Variants in CCDC180 observed in about 807,000 individuals in gnomAD.
CCDC180 encodes coiled-coil domain containing 180.
Under a neutral mutation model 209.2 loss-of-function variants are expected in CCDC180, and 154 were observed. The observed-to-expected ratio is 0.74, with a 90% CI of 0.65 to 0.84. The LOEUF is 0.84. Ranked by LOEUF, CCDC180 falls within the 40% of genes least tolerant of loss-of-function variation. The probability of loss-of-function intolerance (pLI) is 0.00; values close to 1 mark genes in which losing one functional copy is unlikely to be tolerated. For synonymous variants in CCDC180, 778 were observed against 749.1 expected (o/e 1.04, Z -0.63); for missense variants, 1,874 against 1,997.3 (o/e 0.94, Z 1.18).
chr9:97,370,008 A>C lies in CCDC180; in HGVS notation c.4276A>C (p.Lys1426Gln). Residue 1426 changes from lysine to glutamine, a missense_variant, in exon 32 of 37, where the codon AAA becomes CAA. Transcript: ENST00000529487. The part of the protein sequence containing the change: ...VMENFKEHHW[K>Q]KFFTSVKEIR... The stretch of plus-strand genomic sequence containing the variant: ...GGAGAATTTCAAGGAACACCACTGG[A>C]AAAAGTTTTTCACCTCTGTGAAGGA... 6.2e-7 allele frequency: 1 copy of C among 1,614,164 alleles called. No individual in the cohort carries two copies. Among genetic ancestry groups the C allele is most frequent in the Non-Finnish European group, 8.5e-7 (1 of 1,180,026 alleles).
At chr9:97,352,545 T>G (rs896071829) in intron 22 of CCDC180, among the ~76,000 whole-genome samples, 1 of 152,212 alleles carries the variant, frequency 6.6e-6, no homozygotes, top group African/African-American at 2.4e-5. Flanking sequence ...CTTCCCTGCA[T>G]TTGCTGCTCC....
chr9:97,363,468 C>T (rs187774168), intron 28 of CCDC180: 4 of 338,070 alleles, frequency 1.2e-5, no homozygotes, highest in East Asian at 1.4e-4. Flanking sequence ...TTTATATGAT[C>T]CAGCCATGAC....
At position 97,366,458 on chromosome 9, in the gene CCDC180, A is replaced by C; in HGVS notation, c.4048-101A>C. On this transcript the variant is annotated intron_variant, in intron 30 of 36. Coordinates refer to ENST00000529487, the MANE Select transcript of CCDC180 (RefSeq NM_020893.6). The surrounding 1 kb of genome is among the most constrained non-coding windows in gnomAD (Gnocchi z 4.3). Reference sequence around the variant, plus strand: ...CTTCCACAGGGGATGCCACGAGCAAAGGCTAGGGAGTGTGGAGGTGAGGGC... The same window carrying C: ...CTTCCACAGGGGATGCCACGAGCAACGGCTAGGGAGTGTGGAGGTGAGGGC... The C allele has an allele frequency of 8.2e-7, 1 of 1,216,602 alleles. No individual in the cohort carries two copies. The highest frequency in any genetic ancestry group is 1.2e-6 in the Non-Finnish European group (1 of 868,838). 75.4% of individuals were successfully genotyped at this position (1,216,602 alleles called of 1,614,324 possible).
chr9:97,340,482 A>G (rs1449328740), intron 18 of CCDC180, among the ~76,000 whole-genome samples: 1 of 152,228 alleles, frequency 6.6e-6, no homozygotes, highest in Non-Finnish European at 1.5e-5. Context: ...CTTAGATATG[A>G]TTATATACGA....
At chr9:97,314,769 G>A in intron 7 of CCDC180, 41 bp downstream of exon 7, 1 of 1,605,286 alleles carries the variant, frequency 6.2e-7, no homozygotes, top group South Asian at 1.1e-5. Context: ...ACTGTCACTT[G>A]CCGGGTTTAT....
chr9:97,375,246 G>A (rs997797724), intron 35 of CCDC180, among the ~76,000 whole-genome samples: 22 of 152,256 alleles, frequency 1.4e-4, no homozygotes, highest in African/African-American at 4.6e-4. Context: ...ACCCCAGACC[G>A]TGCACAGCAA....
chr9:97,370,950 CTTTTTTTT>C (rs67153822), intron 33 of CCDC180, 172 bp downstream of exon 33: 2 of 115,140 alleles, frequency 1.7e-5, no homozygotes, highest in Admixed American at 1.4e-4. Flanking sequence ...AACTTGTATA[CTTTTTTTT>C]TTTTTTTTTT....
chr9:97,359,667 A>G (rs1392411828), intron 25 of CCDC180, among the ~76,000 whole-genome samples: 2 of 152,138 alleles, frequency 1.3e-5, no homozygotes, highest in African/African-American at 4.8e-5. Context: ...TTGTGTCCCC[A>G]TCTTACAGAT....
intron 14 of CCDC180, 117 bp downstream of exon 14, chr9:97,325,309 A>G: frequency 3.7e-6 from 4 of 1,078,310 alleles, no homozygotes; most frequent in Non-Finnish European, 5.2e-6. Flanking sequence ...GGGGACATTG[A>G]GGCTCACGTT....
intron 18 of CCDC180, among the ~76,000 whole-genome samples, chr9:97,332,140 T>C (rs906094860): frequency 6.6e-6 from 1 of 152,224 alleles, no homozygotes; most frequent in South Asian, 2.1e-4. Context: ...ATTTATTAAA[T>C]GGGTAGTCAT....
intron 4 of CCDC180, among the ~76,000 whole-genome samples, chr9:97,312,829 C>T (rs898956955): frequency 6.6e-6 from 1 of 152,150 alleles, no homozygotes; most frequent in South Asian, 2.1e-4. Context: ...TTCTACAACC[C>T]CCCATGACTG....
At chr9:97,375,917 C>G (rs1587841477) in intron 36 of CCDC180, 1 of 312,716 alleles carries the variant, frequency 3.2e-6, no homozygotes, top group East Asian at 6.0e-5. Context: ...GCAATGGTAG[C>G]CGTAGGCTCA....
chr9:97,327,100 C>T (rs931565605), intron 15 of CCDC180, among the ~76,000 whole-genome samples: 3 of 151,994 alleles, frequency 2.0e-5, no homozygotes, highest in East Asian at 1.9e-4. Flanking sequence ...ACCCAGGAGA[C>T]GGAGGTTGCA....
chr9:97,364,106 G>T lies in CCDC180; in HGVS notation c.3958G>T (p.Asp1320Tyr). The change falls in exon 29 of 37, where the codon GAC (aspartate) becomes TAC (tyrosine). Residue 1320 changes from aspartate to tyrosine, a missense_variant. Coordinates refer to ENST00000529487, the MANE Select transcript of CCDC180 (RefSeq NM_020893.6). ...KMERKYRVLG[D>Y]KPPPAAEDFK... ...GGAGAGAAAGTACCGGGTGCTTGGG[G>T]ACAAGCCTCCCCCTGCTGCCGAGTG... 3 of 1,614,078 alleles carry T rather than the reference G, an allele frequency of 1.9e-6. 1 individual carries two copies. In the South Asian group the frequency reaches 3.3e-5, roughly 18 times the overall value.
chr9:97,360,356 C>T (rs781057521), intron 26 of CCDC180, among the ~76,000 whole-genome samples: 5 of 152,102 alleles, frequency 3.3e-5, no homozygotes, highest in Non-Finnish European at 7.4e-5. Context: ...CCTGCTCCAT[C>T]AGGACCCTCA....
chr9:97,369,964 A>G lies in CCDC180; in HGVS notation c.4232A>G (p.Gln1411Arg). The G allele has an allele frequency of 6.2e-7, 1 of 1,614,196 alleles. No individual in the cohort carries two copies. Among genetic ancestry groups the G allele is most frequent in the Non-Finnish European group, 8.5e-7 (1 of 1,180,038 alleles). The change falls in exon 32 of 37, where the codon CAA becomes CGA. Residue 1411 changes from glutamine to arginine, a missense_variant. Transcript: ENST00000529487. Reference sequence around the variant, plus strand: ...AGGAGATTTGAGGAGCTGCTGCCCCAAGTGTGTTGGCTGGTGATGGAGAAT... The same window carrying G: ...AGGAGATTTGAGGAGCTGCTGCCCCGAGTGTGTTGGCTGGTGATGGAGAAT... ...QIRRFEELLP[Q>R]VCWLVMENFK...
chr9:97,326,614 A>T lies in CCDC180; in HGVS notation c.1606A>T (p.Thr536Ser). The change falls in exon 15 of 37, where the codon ACA becomes TCA. Residue 536 changes from threonine to serine, a missense_variant. Coordinates refer to ENST00000529487, the MANE Select transcript of CCDC180 (RefSeq NM_020893.6). Reference protein sequence around the residue: ...DQLRQQSDKETLAFHLEKVKD... With the variant: ...DQLRQQSDKESLAFHLEKVKD... Reference sequence around the variant, plus strand: ...ACTGAGGCAGCAAAGTGACAAAGAAACACTGGCGTTTCACCTGGAAAAGGT... The same window carrying T: ...ACTGAGGCAGCAAAGTGACAAAGAATCACTGGCGTTTCACCTGGAAAAGGT... The T allele has an allele frequency of 1.9e-6, 3 of 1,614,092 alleles. No individual in the cohort carries two copies. The African/African-American group carries it at 4.0e-5, about 22-fold the overall frequency.
At chr9:97,343,711 C>T in intron 19 of CCDC180, 148 bp downstream of exon 19, 1 of 658,718 alleles carries the variant, frequency 1.5e-6, no homozygotes, top group South Asian at 2.0e-5. Flanking sequence ...GTGAGAAACA[C>T]AATAAAAAAT....
In CCDC180 at chr9:97,377,185, C is replaced by T; in HGVS notation, c.*291C>T. The T allele has an allele frequency of 4.1e-6, 1 of 243,104 alleles. No homozygotes were observed. The highest frequency in any genetic ancestry group is 9.3e-5 in the South Asian group (1 of 10,802). The allele number at this position is 243,104 out of a possible 1,614,324, so 15.1% of individuals were successfully genotyped here. On this transcript the variant is annotated 3_prime_UTR_variant, in exon 37 of 37. Transcript: ENST00000529487. ...GGCACCAGAGCTTCAAAGGACATCA[C>T]CTCCAAACAGCATGCTGGGCAGGGC...
Sources: gnomAD v4.1 joint callset for allele counts (sites outside exome capture counted in the v4.1 genomes callset) on GRCh38, gnomAD v4.1.1 for gene constraint, Gnocchi (gnomAD v3.1) non-coding constraint, MANE v1.5 for transcripts, NCBI Gene and HGNC (gene_info 2026-07-23, HGNC 2026-07-21) for gene names.